ZNF729: variants seen among roughly 807,000 people sequenced by gnomAD.
ZNF729 encodes the protein zinc finger protein 729.
Under a neutral mutation model 12.2 loss-of-function variants are expected in ZNF729, and 15 were observed. The ratio of observed to expected loss-of-function variants is 1.23; its 90% CI spans 0.82 to 1.89. The LOEUF (loss-of-function observed/expected upper bound fraction) is 1.89. ZNF729 is among the 40% of genes most tolerant of loss of function. The probability of loss-of-function intolerance (pLI) is 0.00; values close to 1 mark genes in which losing one functional copy is unlikely to be tolerated. For missense variants in ZNF729, 1,540 were observed against 1,456.7 expected (o/e 1.06, Z -0.93); for synonymous variants, 492 against 476.3 (o/e 1.03, Z -0.43).
rs1307749363 is a variant in ZNF729, at chr19:22,317,142, C to G, written c.3725C>G (p.Pro1242Arg). The G allele has an allele frequency of 1.9e-6, 3 of 1,600,530 alleles. No homozygotes were observed. In the African/African-American group the frequency reaches 4.1e-5, roughly 22 times the overall value. Residue 1242 changes from proline (P) to arginine (R), a missense_variant, in exon 4 of 4, where the codon CCC becomes CGC. Coordinates refer to ENST00000601693, the MANE Select transcript of ZNF729 (RefSeq NM_001242680.2). ...AAAACAATTCATACTGGAGAGAAAC[C>G]CTACAAATGTGAAGAATGTGCCAAA... is the stretch of plus-strand genomic sequence containing the variant. ...LDKTIHTGEK[P>R]YKCEECAKAF
chr19:22,298,560 CTGGAG>C, intron 1 of ZNF729, among the ~76,000 whole-genome samples: 1 of 152,164 alleles, frequency 6.6e-6, no homozygotes, highest in South Asian at 2.1e-4. Context: ...GTCACCCCGG[CTGGAG>C]TGCAATGGCA....
rs1431442130 is a variant in ZNF729, at chr19:22,315,775, T to G, written c.2358T>G (p.His786Gln). Residue 786 changes from histidine (H) to glutamine (Q), a missense_variant, in exon 4 of 4, where the codon CAT (histidine) becomes CAG (glutamine). Physicochemically the swap from His to Gln is conservative, Grantham distance 24 (BLOSUM62 0). Transcript: ENST00000601693. ...ACAGTTTCTCAGCCCTTATGAAACA[T>G]AAGGTAATTCATACTGGAGAGAAAC... ...AFNSFSALMK[H>Q]KVIHTGEKPY... 4 of 1,609,768 alleles carry G rather than the reference T, an allele frequency of 2.5e-6. No individual in the cohort carries two copies. Among genetic ancestry groups the G allele is most frequent in the Non-Finnish European group, 3.4e-6 (4 of 1,179,502 alleles).
chr19:22,314,532 G>T lies in ZNF729; in HGVS notation c.1115G>T (p.Gly372Val). The T allele has an allele frequency of 6.2e-7, 1 of 1,610,724 alleles. No individual in the cohort carries two copies. Residue 372 changes from glycine (G) to valine (V), a missense_variant, in exon 4 of 4, where the codon GGA (glycine) becomes GTA (valine). Transcript: ENST00000601693. ...TLRKHEIIHT[G>V]EKPYKCEECG... ...AGAAAACATGAGATAATTCATACTG[G>T]AGAGAAACCCTACAAATGTGAAGAA... is the stretch of plus-strand genomic sequence containing the variant.
chr19:22,304,839 G>T, intron 3 of ZNF729, 56 bp downstream of exon 3: 1 of 1,537,284 alleles, frequency 6.5e-7, no homozygotes, highest in Non-Finnish European at 8.8e-7. Flanking sequence ...AGGTCAAGGA[G>T]AAAGCCAGTT....
chr19:22,291,291 C>T (rs1182761787), intron 1 of ZNF729, among the ~76,000 whole-genome samples: 2 of 152,072 alleles, frequency 1.3e-5, no homozygotes, highest in African/African-American at 4.8e-5. Context: ...TTTCAGATCT[C>T]CTCCCGGGGT....
rs946328541 is a variant in ZNF729, at chr19:22,314,006, C to T, written c.589C>T (p.Arg197Ter). The change falls in exon 4 of 4, where the codon CGA (arginine) becomes TGA (stop). Residue 197 changes from arginine to a stop codon, truncating the protein, a stop_gained. Transcript: ENST00000601693. LOFTEE classifies it low-confidence loss of function (END_TRUNC). ...KSFFMLSCLI[R>*]HKRIHIRQNI... ...ATTTTTCATGCTTTCATGCTTAATT[C>T]GACATAAGAGAATTCATATTAGACA... is the stretch of plus-strand genomic sequence containing the variant. 34 of 1,540,164 alleles carry T rather than the reference C, an allele frequency of 2.2e-5. No individual in the cohort carries two copies. The highest frequency in any genetic ancestry group is 4.0e-5 in the Admixed American group (2 of 50,240).
intron 1 of ZNF729, among the ~76,000 whole-genome samples, chr19:22,298,291 A>G (rs916176755): frequency 6.6e-6 from 1 of 152,008 alleles, no homozygotes; most frequent in Admixed American, 6.6e-5. Flanking sequence ...TTTGAAACAT[A>G]TAAAGTATAT....
intron 1 of ZNF729, among the ~76,000 whole-genome samples, chr19:22,294,639 TTTTTTTTTTTTC>T (rs1309778127): frequency 7.3e-6 from 1 of 137,464 alleles, no homozygotes; most frequent in African/African-American, 2.6e-5. Flanking sequence ...CTCGGACTTT[TTTTTTTTTTTTC>T]TTTTTCTTTT....
intron 1 of ZNF729, among the ~76,000 whole-genome samples, chr19:22,295,741 C>T (rs1261646161): frequency 4.6e-5 from 7 of 152,176 alleles, no homozygotes; most frequent in Non-Finnish European, 2.9e-5. Context: ...AGCTTGTATC[C>T]ATTCAGTATG....
chr19:22,298,141 T>TAA (rs1450910867), intron 1 of ZNF729, among the ~76,000 whole-genome samples: 1 of 151,910 alleles, frequency 6.6e-6, no homozygotes, highest in African/African-American at 2.4e-5. Flanking sequence ...GGTATTAGCA[T>TAA]AGTTACGTGT....
In ZNF729 at chr19:22,286,879, G is replaced by A. The variant is rs368205588; in HGVS notation, c.30+324G>A. On this transcript the variant is annotated intron_variant, in intron 1 of 3. Coordinates refer to ENST00000601693, the MANE Select transcript of ZNF729 (RefSeq NM_001242680.2). ...GGCGTCAGGGGAGAATCCTGACTCC[G>A]GATGCGGGTTCATGAATGGGAAGAG... 5.9e-5 allele frequency among the ~76,000 whole-genome samples: 9 copies of A among 152,210 alleles called. 1 individual carries two copies. The East Asian group carries it at 7.7e-4, about 13-fold the overall frequency.
Position 22,314,537 on chromosome 19 carries a change from A to G in ZNF729, c.1120A>G (p.Lys374Glu). ...RKHEIIHTGE[K>E]PYKCEECGKA... is the part of the protein sequence containing the mutation. Reference sequence around the variant, plus strand: ...ACATGAGATAATTCATACTGGAGAGAAACCCTACAAATGTGAAGAATGTGG... The same window carrying G: ...ACATGAGATAATTCATACTGGAGAGGAACCCTACAAATGTGAAGAATGTGG... The change falls in exon 4 of 4, where the codon AAA (lysine) becomes GAA (glutamate). Residue 374 changes from lysine to glutamate, a missense_variant. Coordinates refer to ENST00000601693, the MANE Select transcript of ZNF729 (RefSeq NM_001242680.2). 1 of 1,611,800 alleles carries G rather than the reference A, an allele frequency of 6.2e-7. No homozygotes were observed. The highest frequency in any genetic ancestry group is 8.5e-7 in the Non-Finnish European group (1 of 1,179,768).
rs1378292049 is a variant in ZNF729 at position 22,314,145 on chromosome 19, A to G, written c.728A>G (p.Asn243Ser). Residue 243 changes from asparagine to serine, a missense_variant, in exon 4 of 4, where the codon AAT becomes AGT. Asn to Ser is a conservative substitution (Grantham distance 46). Transcript: ENST00000601693. ...DKPYKYKKCG[N>S]AFKFSSTFTK... ...CCTTACAAATATAAGAAATGTGGCA[A>G]TGCCTTTAAATTTTCTTCAACGTTC... The G allele has an allele frequency of 4.5e-6, 7 of 1,559,048 alleles. No individual in the cohort carries two copies. Among genetic ancestry groups the G allele is most frequent in the East Asian group, 4.8e-5 (2 of 41,686 alleles).
intron 1 of ZNF729, among the ~76,000 whole-genome samples, chr19:22,296,679 G>A (rs940575901): frequency 5.9e-5 from 9 of 151,684 alleles, no homozygotes; most frequent in East Asian, 1.9e-4. Flanking sequence ...TGCTTCTCTC[G>A]TTCTTTTATT....
rs1423230059 is a variant in ZNF729 at position 22,315,003 on chromosome 19, C to T, written c.1586C>T (p.Ser529Leu). Residue 529 changes from serine to leucine, a missense_variant, in exon 4 of 4, where the codon TCA (serine) becomes TTA (leucine). By Grantham distance (145) the Ser-to-Leu change is moderately radical (BLOSUM62 -2). Transcript: ENST00000601693. Reference protein sequence around the residue: ...EECGKAFSQSSTLRNHQIIHT... With the variant: ...EECGKAFSQSLTLRNHQIIHT... The stretch of plus-strand genomic sequence containing the variant: ...TGTGGGAAAGCTTTTAGCCAGTCCT[C>T]AACCCTTAGAAACCATCAGATAATT... The T allele has an allele frequency of 1.9e-6, 3 of 1,611,844 alleles. No individual in the cohort carries two copies. The highest frequency in any genetic ancestry group is 1.7e-6 in the Non-Finnish European group (2 of 1,179,750).
Position 22,314,314 on chromosome 19 carries a change from A to T in ZNF729, c.897A>T (p.Lys299Asn), listed in dbSNP as rs1266437526. ...EKTYKCEECG[K>N]AFKGSSNFNA... ...CCTACAAATGTGAAGAATGTGGCAA[A>T]GCTTTTAAGGGGTCCTCAAATTTTA... Residue 299 changes from lysine to asparagine, a missense_variant, in exon 4 of 4, where the codon AAA becomes AAT. Lys to Asn is a moderately conservative substitution (Grantham distance 94). Coordinates refer to ENST00000601693, the MANE Select transcript of ZNF729 (RefSeq NM_001242680.2). The T allele has an allele frequency of 6.2e-7, 1 of 1,610,742 alleles. No individual in the cohort carries two copies. Among genetic ancestry groups the T allele is most frequent in the East Asian group, 2.2e-5 (1 of 44,814 alleles).
At chr19:22,307,316 A>ATT (rs35650592) in intron 3 of ZNF729, among the ~76,000 whole-genome samples, 8 of 95,296 alleles carry the variant, frequency 8.4e-5, no homozygotes, top group Non-Finnish European at 1.4e-4. Flanking sequence ...ACAATGTAGC[A>ATT]TTTTTTTTTT....
intron 3 of ZNF729, among the ~76,000 whole-genome samples, chr19:22,305,011 TGA>T (rs1184641588): frequency 1.3e-4 from 20 of 152,344 alleles, no homozygotes; most frequent in African/African-American, 4.6e-4. Flanking sequence ...AAGTTTACAA[TGA>T]GAGCCAAAGT....
chr19:22,306,802 T>C (rs548359071), intron 3 of ZNF729, among the ~76,000 whole-genome samples: 1 of 151,596 alleles, frequency 6.6e-6, no homozygotes, highest in South Asian at 2.1e-4. Context: ...TTTTATATTC[T>C]ATAGAAGAAT....
Sources: allele counts gnomAD v4.1 joint callset (sites outside exome capture counted in the v4.1 genomes callset), GRCh38; gene constraint gnomAD v4.1.1; transcripts MANE v1.5; gene names NCBI Gene and HGNC (gene_info 2026-07-23, HGNC 2026-07-21).